Variants in CNTN4 observed in about 807,000 individuals in gnomAD.
CNTN4 encodes contactin-4.
Under a neutral mutation model 122.5 loss-of-function variants are expected in CNTN4, and 77 were observed. That is an observed-to-expected ratio of 0.63 (90% CI 0.52 to 0.76). The LOEUF is 0.76. Ranked by LOEUF, CNTN4 falls within the 30% of genes least tolerant of loss-of-function variation. The pLI is 0.00. For synonymous variants in CNTN4, 512 were observed against 447.0 expected (o/e 1.15, Z -1.83); for missense variants, 1,256 against 1,259.1 (o/e 1.00, Z 0.04).
chr3:2,257,327 A>G (rs1381105549), intron 2 of CNTN4, among the ~76,000 whole-genome samples: 2 of 152,246 alleles, frequency 1.3e-5, no homozygotes, highest in East Asian at 1.9e-4. Flanking sequence ...ACCTAAAACC[A>G]TAAAAACCAC....
intron 2 of CNTN4, among the ~76,000 whole-genome samples, chr3:2,124,474 C>CACA (rs1559265723): frequency 0.086 from 9,228 of 107,324 alleles, 406 homozygotes; most frequent in South Asian, 0.29. Context: ...ACACACACAC[C>CACA]CCCTTAAGCA....
rs34800226 is a variant in CNTN4, at chr3:2,400,339, AAT to A, written c.-89+61119_-89+61120del. Among the ~76,000 whole-genome samples, 1,350 of 144,396 alleles carry A rather than the reference AAT, an allele frequency of 9.3e-3. 16 individuals carry two copies. Among genetic ancestry groups the A allele is most frequent in the African/African-American group, 0.033 (1,300 of 39,746 alleles). 94.7% of individuals were successfully genotyped at this position (144,396 alleles called of 152,430 possible). Reference sequence around the variant, plus strand: ...AACATACACACACATATGTAAAAGAAATATATATATATATGTGGGTGGGTGTA... The same window carrying A: ...AACATACACACACATATGTAAAAGAAATATATATATATGTGGGTGGGTGTA... On this transcript the variant is annotated intron_variant, in intron 3 of 24. Transcript: ENST00000418658.
At chr3:2,574,827 A>G (rs2079587327) in intron 4 of CNTN4, among the ~76,000 whole-genome samples, 1 of 152,114 alleles carries the variant, frequency 6.6e-6, no homozygotes, top group South Asian at 2.1e-4. Context: ...CTCCTTTGTG[A>G]CAAGTCTCCC....
At chr3:2,903,211 C>A (rs1299039400) in intron 12 of CNTN4, among the ~76,000 whole-genome samples, 2 of 152,176 alleles carry the variant, frequency 1.3e-5, no homozygotes, top group Non-Finnish European at 2.9e-5. Flanking sequence ...CTGATGCTTA[C>A]AATGGGGACC....
chr3:2,228,155 TTAATTTATATACA>T (rs2039355451), intron 2 of CNTN4, among the ~76,000 whole-genome samples: 1 of 152,148 alleles, frequency 6.6e-6, no homozygotes, highest in African/African-American at 2.4e-5. Context: ...AATTATGTAT[TTAATTTATATACA>T]TTTTGATCAG....
chr3:2,981,562 G>GAA (rs112212982), intron 13 of CNTN4, among the ~76,000 whole-genome samples: 14 of 141,940 alleles, frequency 9.9e-5, no homozygotes, highest in African/African-American at 3.3e-4. Flanking sequence ...CTATATTCAT[G>GAA]AAAAAAAAAA....
chr3:2,478,370 A>G (rs1226426248), intron 3 of CNTN4, among the ~76,000 whole-genome samples: 1 of 150,716 alleles, frequency 6.6e-6, no homozygotes, highest in African/African-American at 2.4e-5. Flanking sequence ...GAAATATGTG[A>G]GTTCCGTGAT....
intron 4 of CNTN4, among the ~76,000 whole-genome samples, chr3:2,721,003 T>C (rs1444124279): frequency 6.6e-6 from 1 of 152,070 alleles, no homozygotes; most frequent in African/African-American, 2.4e-5. Flanking sequence ...GACAGAGTCT[T>C]GCTCTGTTGA....
chr3:2,114,619 C>T (rs1238076837), intron 2 of CNTN4, among the ~76,000 whole-genome samples: 1 of 152,092 alleles, frequency 6.6e-6, no homozygotes, highest in Non-Finnish European at 1.5e-5. Flanking sequence ...GTTTCATAGA[C>T]TAGAATGTGA....
chr3:2,524,619 C>T (rs1311231646), intron 3 of CNTN4, among the ~76,000 whole-genome samples: 1 of 152,094 alleles, frequency 6.6e-6, no homozygotes, highest in African/African-American at 2.4e-5. Context: ...GAGTTTTACT[C>T]ATTTGAACAA....
intron 2 of CNTN4, among the ~76,000 whole-genome samples, chr3:2,221,176 A>T (rs913456272): frequency 1.3e-5 from 2 of 152,132 alleles, no homozygotes; most frequent in Non-Finnish European, 2.9e-5. Flanking sequence ...TAAAAGAATG[A>T]AAACATTGAT....
At chr3:2,716,031 C>T (rs1034416373) in intron 4 of CNTN4, among the ~76,000 whole-genome samples, 2 of 152,162 alleles carry the variant, frequency 1.3e-5, no homozygotes, top group African/African-American at 4.8e-5. Flanking sequence ...GTGGCATGAT[C>T]ATAACTCACT....
intron 2 of CNTN4, among the ~76,000 whole-genome samples, chr3:2,163,421 C>T (rs1362077199): frequency 6.6e-6 from 1 of 152,044 alleles, no homozygotes; most frequent in African/African-American, 2.4e-5. Context: ...ATCAGAAAAA[C>T]TCTTGTAGAT....
At chr3:2,790,323 A>T (rs1005723099) in intron 6 of CNTN4, among the ~76,000 whole-genome samples, 1 of 152,224 alleles carries the variant, frequency 6.6e-6, no homozygotes. Flanking sequence ...GCATTGAGCC[A>T]TAGTGGATCT....
chr3:2,189,241 A>G (rs375482524), intron 2 of CNTN4, among the ~76,000 whole-genome samples: 1 of 152,146 alleles, frequency 6.6e-6, no homozygotes, highest in African/African-American at 2.4e-5. Context: ...GGGGTCTGTG[A>G]TGTGTGAAGA....
intron 7 of CNTN4, among the ~76,000 whole-genome samples, chr3:2,829,506 C>G (rs1471633939): frequency 1.3e-5 from 2 of 152,174 alleles, no homozygotes; most frequent in Non-Finnish European, 2.9e-5. Flanking sequence ...CCTGGCATGT[C>G]TACAGGAGTG....
At chr3:2,572,515 T>G (rs1330913220) in intron 4 of CNTN4, among the ~76,000 whole-genome samples, 3 of 152,258 alleles carry the variant, frequency 2.0e-5, no homozygotes, top group Non-Finnish European at 4.4e-5. Context: ...AAGTCCAGCA[T>G]GCAGCGGGAA....
chr3:2,129,142 A>G (rs554892897), intron 2 of CNTN4, among the ~76,000 whole-genome samples: 10 of 152,174 alleles, frequency 6.6e-5, no homozygotes, highest in African/African-American at 2.2e-4. Flanking sequence ...CACCAACTTT[A>G]TGAAGCTAAC....
intron 3 of CNTN4, among the ~76,000 whole-genome samples, chr3:2,363,309 C>T (rs562709059): frequency 4.4e-4 from 67 of 152,212 alleles, no homozygotes; most frequent in Non-Finnish European, 9.0e-4. Context: ...CTAAGCCTGT[C>T]ACCTCTCTTC....
Sources: allele counts gnomAD v4.1 joint callset (sites outside exome capture counted in the v4.1 genomes callset), GRCh38; gene constraint gnomAD v4.1.1; transcripts MANE v1.5; gene names NCBI Gene and HGNC (gene_info 2026-07-23, HGNC 2026-07-21).